The following KRT81 variants were observed in gnomAD, a reference collection of about 807,000 sequenced individuals.
KRT81 encodes keratin 81, also known as keratin, type II cuticular Hb1.
A neutral mutation model predicts 35.8 loss-of-function variants in KRT81; 35 were observed. The observed-to-expected ratio is 0.98, with a 90% CI of 0.75 to 1.30. The LOEUF (loss-of-function observed/expected upper bound fraction) is 1.30. Among genes scored for constraint, KRT81 ranks in the 50% most tolerant of loss-of-function variants. KRT81 has a pLI of 0.00. For synonymous variants in KRT81, 249 were observed against 251.2 expected (o/e 0.99, Z 0.08); for missense variants, 531 against 577.4 (o/e 0.92, Z 0.82).
Position 52,291,331 on chromosome 12 carries a change from G to A in KRT81, c.135C>T (p.Phe45=), listed in dbSNP as rs1166014889. Reference sequence around the variant, plus strand: ...AGCCTCCGCACACGCTGTGGCTGCCGAAGCCCCCGGTGAGGCCGCGGTAGC... The same window carrying A: ...AGCCTCCGCACACGCTGTGGCTGCCAAAGCCCCCGGTGAGGCCGCGGTAGC... ...ISCYRGLTGG[F]GSHSVCGGFR... The change falls in exon 1 of 9, where the codon TTC becomes TTT. Residue 45 remains phenylalanine (F), a synonymous_variant. Transcript: ENST00000327741. 6 of 1,556,824 alleles carry A rather than the reference G, an allele frequency of 3.9e-6. No homozygotes were observed. The highest frequency in any genetic ancestry group is 2.1e-4 in the Middle Eastern group (1 of 4,742).
rs1166936674 is a variant in KRT81, at chr12:52,287,671, G to A, written c.951C>T (p.Arg317=). The part of the protein sequence containing the change: ...TVIRHGETLR[R]TKEEINELNR... The stretch of plus-strand genomic sequence containing the variant: ...TCAGCTCATTGATCTCCTCCTTGGT[G>A]CGGCGCAGGGTCTCCCCGTGCCTGA... The change falls in exon 6 of 9, where the codon CGC becomes CGT. Residue 317 remains arginine, a synonymous_variant. Coordinates refer to ENST00000327741, the MANE Select transcript of KRT81 (RefSeq NM_002281.4). The A allele has an allele frequency of 3.1e-6, 5 of 1,613,788 alleles. No homozygotes were observed. In the African/African-American group the frequency reaches 6.7e-5, roughly 22 times the overall value.
rs7300941 is a variant in KRT81, at chr12:52,287,749, T to C, written c.901-28A>G. 0.51 allele frequency: 817,157 copies of C among 1,612,936 alleles called. 211,591 individuals are homozygous for C. Among genetic ancestry groups the C allele is most frequent in the African/African-American group, 0.57 (42,377 of 74,828 alleles). ...GGGGGAAGTAGAGATGCTCATGAGG[T>C]TCAGGGTGGGACCTCCCATCCATTC... On this transcript the variant is annotated intron_variant, in intron 5 of 8. Transcript: ENST00000327741.
chr12:52,287,884 C>A, intron 5 of KRT81, 100 bp downstream of exon 5: 1 of 1,606,922 alleles, frequency 6.2e-7, no homozygotes, highest in Non-Finnish European at 8.5e-7. Flanking sequence ...CTCTTCTCAT[C>A]CCTAGGGACC....
chr12:52,287,182 G>T lies in KRT81; in HGVS notation c.1167C>A (p.Tyr389Ter). ...CCAGCTTGGAGTTCATCACCTCCTG[G>T]TACTCCCTGATCAGGCAGGCCATGT... ...KQDMACLIRE[Y>*]QEVMNSKLGL... is the part of the protein sequence containing the mutation. The change falls in exon 7 of 9, where the codon TAC (tyrosine) becomes TAA (stop). Residue 389 changes from tyrosine (Y) to a stop codon, truncating the protein, a stop_gained. Transcript: ENST00000327741. LOFTEE classifies it high-confidence loss of function. 2 of 1,613,770 alleles carry T rather than the reference G, an allele frequency of 1.2e-6. No homozygotes were observed. Among genetic ancestry groups the T allele is most frequent in the Non-Finnish European group, 1.7e-6 (2 of 1,180,008 alleles).
chr12:52,287,058 G>C (rs1937966984), intron 7 of KRT81, 44 bp downstream of exon 7: 7 of 1,612,364 alleles, frequency 4.3e-6, no homozygotes, highest in African/African-American at 2.7e-5. Context: ...GCTTGTGCCA[G>C]GGATGGGGAA....
rs1565739262 is a variant in KRT81 at position 52,286,335 on chromosome 12, C to T, written c.1438G>A (p.Gly480Arg). 16 of 1,554,990 alleles carry T rather than the reference C, an allele frequency of 1.0e-5. No homozygotes were observed. Among genetic ancestry groups the T allele is most frequent in the Non-Finnish European group, 1.2e-5 (14 of 1,148,752 alleles). The change falls in exon 9 of 9, where the codon GGG (glycine) becomes AGG (arginine). Residue 480 changes from glycine (G) to arginine (R), a missense_variant. Physicochemically the swap from Gly to Arg is moderately radical, Grantham distance 125 (BLOSUM62 -2). This residue lies in a region of KRT81 where 150 missense variants were observed against 145.4 expected (regional missense o/e 1.03). Coordinates refer to ENST00000327741, the MANE Select transcript of KRT81 (RefSeq NM_002281.4). ...PCGQLNTTCG[G>R]GSCGVGSCGI... ...CAGGAGCCCACGCCGCAGGAACCCC[C>T]TCCGCAGGTGGTGTTCAATTGGCCG...
intron 4 of KRT81, 85 bp downstream of exon 4, chr12:52,288,276 T>A: frequency 6.2e-7 from 1 of 1,604,472 alleles, no homozygotes; most frequent in Non-Finnish European, 8.5e-7. Flanking sequence ...GACTGCAACC[T>A]CTACCCACAT....
Position 52,291,423 on chromosome 12 carries a change from T to C in KRT81, c.43A>G (p.Ile15Val). 6.2e-7 allele frequency: 1 copy of C among 1,612,312 alleles called. No homozygotes were observed. The highest frequency in any genetic ancestry group is 8.5e-7 in the Non-Finnish European group (1 of 1,179,432). The change falls in exon 1 of 9, where the codon ATC (isoleucine) becomes GTC (valine). Residue 15 changes from isoleucine (I) to valine (V), a missense_variant. Around this residue, in one of 5 missense-constraint regions of KRT81, gnomAD observed 133 missense variants for 125.9 expected, o/e 1.06. Coordinates refer to ENST00000327741, the MANE Select transcript of KRT81 (RefSeq NM_002281.4). Reference sequence around the variant, plus strand: ...CCGGGCCGCGGCCCGCAGGCCGAGATGCAGCTGAAGGCGCGCCCACCAAAT... The same window carrying C: ...CCGGGCCGCGGCCCGCAGGCCGAGACGCAGCTGAAGGCGCGCCCACCAAAT... ...SGFGGRAFSC[I>V]SACGPRPGRC...
Position 52,286,436 on chromosome 12 carries a change from C to T in KRT81, c.1337G>A (p.Arg446Gln), listed in dbSNP as rs139838048. 5.3e-5 allele frequency: 83 copies of T among 1,552,896 alleles called. 2 individuals carry two copies. In the African/African-American group the frequency reaches 7.5e-4, roughly 14 times the overall value. The change falls in exon 9 of 9, where the codon CGG (arginine) becomes CAG (glutamine). Residue 446 changes from arginine to glutamine, a missense_variant. Physicochemically the swap from Arg to Gln is conservative, Grantham distance 43 (BLOSUM62 1). Coordinates refer to ENST00000327741, the MANE Select transcript of KRT81 (RefSeq NM_002281.4). ...VCGDLCVSGS[R>Q]PVTGSVCSAP... Reference sequence around the variant, plus strand: ...GCTGCAGACACTGCCAGTCACTGGCCGGGAGCCTGACACGCAGAGGTCCCC... The same window carrying T: ...GCTGCAGACACTGCCAGTCACTGGCTGGGAGCCTGACACGCAGAGGTCCCC...
At chr12:52,288,333 G>C in intron 4 of KRT81, 28 bp downstream of exon 4, 2 of 1,613,488 alleles carry the variant, frequency 1.2e-6, no homozygotes, top group African/African-American at 1.3e-5. Context: ...CTGGCTGCCA[G>C]GTTTCTGTCT....
chr12:52,286,613 A>C, intron 8 of KRT81, 120 bp from the exon 9 acceptor site: 1 of 1,247,462 alleles, frequency 8.0e-7, no homozygotes, highest in Non-Finnish European at 1.1e-6. Context: ...TTTGTGGACA[A>C]TTCTAGGTCC....
chr12:52,288,406 C>T lies in KRT81; in HGVS notation c.690G>A (p.Glu230=), dbSNP rs751670289. Residue 230 remains glutamate (E), a synonymous_variant, in exon 4 of 9, where the codon GAG becomes GAA. Coordinates refer to ENST00000327741, the MANE Select transcript of KRT81 (RefSeq NM_002281.4). ...GGAAGTCGATCTCCTGGATCAGGGC[C>T]TCCACGTTGGCCTCCAGGTCTGACT... The part of the protein sequence containing the change: ...LRKSDLEANV[E]ALIQEIDFLR... 1.9e-6 allele frequency: 3 copies of T among 1,614,196 alleles called. No individual in the cohort carries two copies. The highest frequency in any genetic ancestry group is 2.5e-6 in the Non-Finnish European group (3 of 1,180,026).
chr12:52,288,537 G>A (rs1332526867), intron 3 of KRT81, 81 bp from the exon 4 acceptor site: 100 of 1,533,540 alleles, frequency 6.5e-5, no homozygotes, highest in Non-Finnish European at 8.6e-5. Context: ...TCCATTCCAT[G>A]TAGCCAGGGG....
At position 52,291,155 on chromosome 12, in the gene KRT81, T is replaced by C. The variant is rs1261578079; in HGVS notation, c.311A>G (p.Gln104Arg). The C allele has an allele frequency of 9.0e-7, 1 of 1,108,784 alleles. No homozygotes were observed. Among genetic ancestry groups the C allele is most frequent in the African/African-American group, 1.9e-5 (1 of 51,926 alleles). 68.7% of individuals were successfully genotyped at this position (1,108,784 alleles called of 1,614,324 possible). Residue 104 changes from glutamine to arginine, a missense_variant, in exon 1 of 9, where the codon CAG becomes CGG. By Grantham distance (43) the Gln-to-Arg change is conservative (BLOSUM62 1). Around this residue, in one of 5 missense-constraint regions of KRT81, gnomAD observed 194 missense variants for 198.2 expected, o/e 0.98. Transcript: ENST00000327741. ...EIDPNAQCVK[Q>R]EEKEQIKSLN... ...GGACTTGATCTGCTCCTTCTCCTCC[T>C]GCTTCACGCACTGCGCGTTGGGGTC...
At chr12:52,286,994 T>C (rs540172456) in intron 7 of KRT81, 108 bp downstream of exon 7, 168 of 1,590,872 alleles carry the variant, frequency 1.1e-4, no homozygotes, top group Non-Finnish European at 2.3e-5. Context: ...AAGTGAATAA[T>C]AATATTTTTT....
In KRT81 at chr12:52,287,124, G is replaced by A; in HGVS notation, c.1225C>T (p.Leu409=). The A allele has an allele frequency of 6.2e-7, 1 of 1,613,212 alleles. No homozygotes were observed. Among genetic ancestry groups the A allele is most frequent in the Non-Finnish European group, 8.5e-7 (1 of 1,179,962 alleles). The change falls in exon 7 of 9, where the codon CTG becomes TTG. Residue 409 remains leucine (L), a synonymous_variant. Transcript: ENST00000327741. The part of the protein sequence containing the change: ...LDIEIATYRR[L]LEGEEQRLCE... The stretch of plus-strand genomic sequence containing the variant: ...CACCTCTGCTCCTCGCCCTCCAGCA[G>A]GCGCCTGTAGGTGGCGATCTCGATG...
At chr12:52,286,652 A>T in intron 8 of KRT81, 139 bp downstream of exon 8, 1 of 1,175,098 alleles carries the variant, frequency 8.5e-7, no homozygotes, top group South Asian at 1.3e-5. Flanking sequence ...GGTCTTTTGG[A>T]TGTCTGACCC....
Position 52,286,860 on chromosome 12 carries a change from C to A in KRT81, c.1248-38G>T. The stretch of plus-strand genomic sequence containing the variant: ...GAGAAAAAGGCAACATTAGTGACTG[C>A]CCCAGAGTGGCTGAAAAAGCTCCCC... On this transcript the variant is annotated intron_variant, in intron 7 of 8. Transcript: ENST00000327741. 1.9e-6 allele frequency: 3 copies of A among 1,611,586 alleles called. 1 individual carries two copies. The South Asian group carries it at 3.3e-5, about 18-fold the overall frequency.
In KRT81 at chr12:52,286,678, G is replaced by A. The variant is rs1423567923; in HGVS notation, c.1279+113C>T. The A allele has an allele frequency of 1.0e-5, 13 of 1,282,768 alleles. No homozygotes were observed. In the Admixed American group the frequency reaches 2.4e-4, roughly 24 times the overall value. 79.5% of individuals were successfully genotyped at this position (1,282,768 alleles called of 1,614,324 possible). On this transcript the variant is annotated intron_variant, in intron 8 of 8. Coordinates refer to ENST00000327741, the MANE Select transcript of KRT81 (RefSeq NM_002281.4). Reference sequence around the variant, plus strand: ...TGTCTGACCCCAAATCCCTCCTGTTGTGATGCCAGCCCACTCTTTTATATT... The same window carrying A: ...TGTCTGACCCCAAATCCCTCCTGTTATGATGCCAGCCCACTCTTTTATATT...
Sources: allele counts gnomAD v4.1 joint callset, GRCh38; gene constraint gnomAD v4.1.1; regional missense constraint gnomAD v4.1.1; transcripts MANE v1.5; gene names NCBI Gene and HGNC (gene_info 2026-07-23, HGNC 2026-07-21).